FBXL5: variants seen among roughly 807,000 people sequenced by gnomAD.
The protein encoded by FBXL5 is F-box and leucine rich repeat protein 5.
FBXL5 carries 26 observed loss-of-function variants against 78.3 expected under a neutral mutation model. The ratio of observed to expected loss-of-function variants is 0.33; its 90% CI spans 0.24 to 0.46. The LOEUF is 0.46. Ranked by LOEUF, FBXL5 falls within the 20% of genes least tolerant of loss-of-function variation. The pLI, the probability that FBXL5 is intolerant of heterozygous loss-of-function variation, is 1.00. For synonymous variants in FBXL5, 295 were observed against 282.5 expected (o/e 1.04, Z -0.45); for missense variants, 710 against 829.2 (o/e 0.86, Z 1.77).
chr4:15,625,213 A>G lies in FBXL5; in HGVS notation c.1850+39T>C, dbSNP rs960420251. 2.6e-6 allele frequency: 4 copies of G among 1,518,088 alleles called. No homozygotes were observed. The African/African-American group carries it at 4.6e-5, about 18-fold the overall frequency. 94.0% of individuals were successfully genotyped at this position (1,518,088 alleles called of 1,614,324 possible). On this transcript the variant is annotated intron_variant, in intron 9 of 10. Transcript: ENST00000341285. ...TTTTATATTCCATTTGGAAATGAGA[A>G]CACGTCTATTTCTTAATATTCTGGA... is the stretch of plus-strand genomic sequence containing the variant.
chr4:15,628,353 C>A (rs1338742693), intron 6 of FBXL5, among the ~76,000 whole-genome samples: 1 of 152,082 alleles, frequency 6.6e-6, no homozygotes, highest in Non-Finnish European at 1.5e-5. Context: ...TTAGCCTGAT[C>A]ATAATGAATC....
chr4:15,640,405 A>C (rs1714731195), intron 3 of FBXL5, among the ~76,000 whole-genome samples: 1 of 151,536 alleles, frequency 6.6e-6, no homozygotes, highest in Non-Finnish European at 1.5e-5. Flanking sequence ...AAAAAAAAAA[A>C]AAAAACATGA....
chr4:15,662,504 A>T (rs1178734232), upstream of FBXL5, among the ~76,000 whole-genome samples: 1 of 152,200 alleles, frequency 6.6e-6, no homozygotes, highest in Non-Finnish European at 1.5e-5. Context: ...TAATATTGCT[A>T]TATACATTAA....
At chr4:15,625,022 T>G (rs1037304789) in intron 9 of FBXL5, among the ~76,000 whole-genome samples, 5 of 152,230 alleles carry the variant, frequency 3.3e-5, no homozygotes, top group Non-Finnish European at 5.9e-5. Context: ...TTATTAAACT[T>G]TAGAATTTAT....
At chr4:15,609,755 A>C (rs1722116969) in intron 10 of FBXL5, among the ~76,000 whole-genome samples, 1 of 152,076 alleles carries the variant, frequency 6.6e-6, no homozygotes, top group Non-Finnish European at 1.5e-5. Flanking sequence ...AGAATCATTC[A>C]GAAGAATCTA....
rs58834380 is a variant in FBXL5, at chr4:15,674,910, A to G, written c.-284+6473T>C. Reference sequence around the variant, plus strand: ...GTGATCCGTCTGCCTCGGCCTCCCAAAGTGCTGGGATTACAGGCACGAGCC... The same window carrying G: ...GTGATCCGTCTGCCTCGGCCTCCCAGAGTGCTGGGATTACAGGCACGAGCC... On this transcript the variant is annotated intron_variant, in intron 1 of 4. Transcript: ENST00000507899. Among the ~76,000 whole-genome samples the G allele has an allele frequency of 2.6e-3, 397 of 152,246 alleles. 4 individuals are homozygous for G. The highest frequency in any genetic ancestry group is 9.1e-3 in the African/African-American group (377 of 41,556).
upstream of FBXL5, among the ~76,000 whole-genome samples, chr4:15,663,179 T>G (rs956839334): frequency 2.6e-5 from 4 of 152,220 alleles, no homozygotes; most frequent in African/African-American, 9.6e-5. Context: ...ACCATAATAT[T>G]TGTATGATAT....
intron 1 of FBXL5, among the ~76,000 whole-genome samples, chr4:15,653,012 C>T (rs1485308526): frequency 6.6e-6 from 1 of 152,140 alleles, no homozygotes; most frequent in Non-Finnish European, 1.5e-5. Flanking sequence ...TTACAAAATA[C>T]TTATTTTCCA....
chr4:15,645,706 T>C (rs4698407), intron 1 of FBXL5, among the ~76,000 whole-genome samples: 96,208 of 152,062 alleles, frequency 0.63, 30,549 homozygotes, highest in Non-Finnish European at 0.65. Flanking sequence ...GGATTACAGG[T>C]ATAAGCTACC....
chr4:15,623,827 T>A (rs868730009), intron 9 of FBXL5, among the ~76,000 whole-genome samples: 67 of 145,102 alleles, frequency 4.6e-4, no homozygotes, highest in South Asian at 1.5e-3. Context: ...TTTACAATAG[T>A]TTTTTTTTTT....
intron 1 of FBXL5, 124 bp downstream of exon 1, chr4:15,655,079 GC>G: frequency 1.5e-6 from 1 of 657,732 alleles, no homozygotes; most frequent in Non-Finnish European, 2.0e-6. Context: ...AGCTGCGCAG[GC>G]GGCTACTCGC....
intron 1 of FBXL5, among the ~76,000 whole-genome samples, chr4:15,680,809 A>T (rs1718215673): frequency 6.6e-6 from 1 of 151,774 alleles, no homozygotes; most frequent in Non-Finnish European, 1.5e-5. Context: ...GTTGAAATTC[A>T]AGCTCCTGTA....
At chr4:15,628,772 G>GACACACACACACACACACACACGCAC (rs1553850273) in intron 6 of FBXL5, among the ~76,000 whole-genome samples, 3 of 140,298 alleles carry the variant, frequency 2.1e-5, no homozygotes, top group African/African-American at 8.0e-5. Flanking sequence ...GCCAGACACA[G>GACACACACACACACACACACACGCAC]ACACACACAC....
chr4:15,618,648 C>G (rs974275972), intron 9 of FBXL5, among the ~76,000 whole-genome samples: 3 of 152,120 alleles, frequency 2.0e-5, no homozygotes, highest in Admixed American at 6.5e-5. Context: ...TCAAGACCAG[C>G]CTAGCCAACA....
chr4:15,605,483 G>GT lies in FBXL5; in HGVS notation c.*239dup. 1 of 421,380 alleles carries GT rather than the reference G, an allele frequency of 2.4e-6. No homozygotes were observed. The highest frequency in any genetic ancestry group is 3.1e-5 in the South Asian group (1 of 32,558). The allele number at this position is 421,380 out of a possible 1,614,324, so 26.1% of individuals were successfully genotyped here. A position where few individuals can be genotyped will look rare whatever the true frequency, so the allele number is the denominator to read the frequency against. Reference sequence around the variant, plus strand: ...AAAGCATTTCATTTAAAAGAAAAATGTAAGACTGTTCTCACCCTTTTGAAA... The same window carrying GT: ...AAAGCATTTCATTTAAAAGAAAAATGTTAAGACTGTTCTCACCCTTTTGAAA... On this transcript the variant is annotated 3_prime_UTR_variant, in exon 11 of 11. Transcript: ENST00000341285.
intron 3 of FBXL5, among the ~76,000 whole-genome samples, chr4:15,640,252 G>A (rs879651316): frequency 6.6e-6 from 1 of 151,394 alleles, no homozygotes; most frequent in Non-Finnish European, 1.5e-5. Flanking sequence ...ATTTTTCCCA[G>A]GCTGGTCTTG....
At chr4:15,616,614 G>A (rs886519638) in intron 9 of FBXL5, among the ~76,000 whole-genome samples, 2 of 152,196 alleles carry the variant, frequency 1.3e-5, no homozygotes, top group African/African-American at 4.8e-5. Flanking sequence ...AAGTTCAGCT[G>A]GACGTTTCCT....
chr4:15,655,247 G>A lies in FBXL5; in HGVS notation c.41C>T (p.Pro14Leu), dbSNP rs1288600100. ...FPEEVDVFTAPHWRMKQLVGL... is the reference protein window; with the variant it reads ...FPEEVDVFTALHWRMKQLVGL... The stretch of plus-strand genomic sequence containing the variant: ...CACCAGCTGCTTCATCCGCCAGTGT[G>A]GGGCGGTGAAGACGTCCACTTCTTC... The change falls in exon 1 of 11, where the codon CCA becomes CTA. Residue 14 changes from proline (P) to leucine (L), a missense_variant. Physicochemically the swap from Pro to Leu is moderately conservative, Grantham distance 98. Around this residue, in one of 4 missense-constraint regions of FBXL5, gnomAD observed 132 missense variants for 156.9 expected, o/e 0.84. Coordinates refer to ENST00000341285, the MANE Select transcript of FBXL5 (RefSeq NM_012161.4). 4 of 1,444,244 alleles carry A rather than the reference G, an allele frequency of 2.8e-6. No homozygotes were observed. Among genetic ancestry groups the A allele is most frequent in the Non-Finnish European group, 3.7e-6 (4 of 1,079,648 alleles). 89.5% of individuals were successfully genotyped at this position (1,444,244 alleles called of 1,614,324 possible). A position where few individuals can be genotyped will look rare whatever the true frequency, so the allele number is the denominator to read the frequency against.
chr4:15,678,471 A>C (rs1196264958), intron 1 of FBXL5, among the ~76,000 whole-genome samples: 3 of 152,192 alleles, frequency 2.0e-5, no homozygotes, highest in Non-Finnish European at 4.4e-5. Context: ...TAATAACTCA[A>C]AGGGGTTACA....
Sources: allele counts gnomAD v4.1 joint callset (sites outside exome capture counted in the v4.1 genomes callset), GRCh38; gene constraint gnomAD v4.1.1; regional missense constraint gnomAD v4.1.1; transcripts MANE v1.5; gene names NCBI Gene and HGNC (gene_info 2026-07-23, HGNC 2026-07-21).